The following TMEM132B variants were observed in gnomAD, a reference collection of about 807,000 sequenced individuals.
TMEM132B encodes the protein transmembrane protein 132B.
Under a neutral mutation model 90.8 loss-of-function variants are expected in TMEM132B, and 18 were observed. The observed-to-expected ratio is 0.20, with a 90% CI of 0.14 to 0.29. The LOEUF (loss-of-function observed/expected upper bound fraction) is 0.29. Ranked by LOEUF, TMEM132B falls within the 10% of genes least tolerant of loss-of-function variation. TMEM132B has a pLI of 1.00. For missense variants in TMEM132B, 1,096 were observed against 1,326.8 expected, an observed-to-expected ratio of 0.83 and a Z score of 2.70; for synonymous variants, 504 against 523.3, an observed-to-expected ratio of 0.96 and a Z score of 0.50.
intron 2 of TMEM132B, among the ~76,000 whole-genome samples, chr12:125,382,654 G>A (rs1878719923): frequency 6.6e-6 from 1 of 152,202 alleles, no homozygotes; most frequent in South Asian, 2.1e-4. Flanking sequence ...TTTAAAAAGT[G>A]TAAAAGTCTG....
At chr12:125,411,564 C>T (rs1879840188) in intron 2 of TMEM132B, among the ~76,000 whole-genome samples, 1 of 151,990 alleles carries the variant, frequency 6.6e-6, no homozygotes, top group South Asian at 2.1e-4. Flanking sequence ...CCCAGTTGGC[C>T]AAACCTCTAG....
At position 125,415,652 on chromosome 12, in the gene TMEM132B, G is replaced by A. The variant is rs1175135308; in HGVS notation, c.1081G>A (p.Gly361Ser). 1 of 1,614,012 alleles carries A rather than the reference G, an allele frequency of 6.2e-7. No individual in the cohort carries two copies. Among genetic ancestry groups the A allele is most frequent in the African/African-American group, 1.3e-5 (1 of 74,914 alleles). Residue 361 changes from glycine (G) to serine (S), a missense_variant, in exon 3 of 9, where the codon GGC (glycine) becomes AGC (serine). Coordinates refer to ENST00000682704, the MANE Select transcript of TMEM132B (RefSeq NM_001366854.1). The surrounding 1 kb of genome is among the most constrained non-coding windows in gnomAD (Gnocchi z 5.3). The stretch of plus-strand genomic sequence containing the variant: ...GACGTCGGCCACCCTCACCTGCATG[G>A]GCCATCGCCCGGACACGCAGAGCAG... ...TQTSATLTCM[G>S]HRPDTQSRVN...
intron 1 of TMEM132B, among the ~76,000 whole-genome samples, chr12:125,259,915 T>G (rs536522501): frequency 4.6e-4 from 70 of 152,152 alleles, no homozygotes; most frequent in African/African-American, 1.4e-3. Flanking sequence ...TCCAGTCAGC[T>G]CTCGGTGACC....
At chr12:125,343,447 G>A (rs1877258040) in intron 1 of TMEM132B, among the ~76,000 whole-genome samples, 1 of 152,178 alleles carries the variant, frequency 6.6e-6, no homozygotes, top group Non-Finnish European at 1.5e-5. Context: ...CTGGCCTTGT[G>A]AGCATTAAGC....
At chr12:125,563,607 A>AC (rs59664289) in intron 4 of TMEM132B, among the ~76,000 whole-genome samples, 1 of 149,814 alleles carries the variant, frequency 6.7e-6, no homozygotes, top group East Asian at 2.0e-4. Flanking sequence ...ACAAAAAAAA[A>AC]CCCCACAGTA....
At chr12:125,637,387 G>T (rs865903914) in intron 5 of TMEM132B, among the ~76,000 whole-genome samples, 2 of 152,182 alleles carry the variant, frequency 1.3e-5, no homozygotes, top group Non-Finnish European at 2.9e-5. Flanking sequence ...AGTCAACTTA[G>T]AAAGTTTATT....
intron 5 of TMEM132B, among the ~76,000 whole-genome samples, chr12:125,592,394 C>G (rs1311106932): frequency 5.3e-5 from 8 of 152,168 alleles, no homozygotes; most frequent in African/African-American, 1.7e-4. Context: ...AGTTTCTGGC[C>G]TTCCAGTATC....
intron 2 of TMEM132B, among the ~76,000 whole-genome samples, chr12:125,391,039 TAGTGTGTGTGTG>T (rs1421238845): frequency 9.7e-5 from 14 of 143,636 alleles, no homozygotes; most frequent in African/African-American, 2.5e-4. Flanking sequence ...TACTAAAGAA[TAGTGTGTGTGTG>T]TGTGTGTGTG....
chr12:125,566,021 G>A (rs1884650145), intron 4 of TMEM132B, among the ~76,000 whole-genome samples: 1 of 152,204 alleles, frequency 6.6e-6, no homozygotes, highest in African/African-American at 2.4e-5. Flanking sequence ...CAGCAGGAGT[G>A]CTGTGAGGAA....
At chr12:125,235,224 A>G (rs1873907625) in intron 1 of TMEM132B, among the ~76,000 whole-genome samples, 2 of 152,228 alleles carry the variant, frequency 1.3e-5, no homozygotes, top group South Asian at 4.1e-4. Context: ...CAGCAAATAA[A>G]GACAGAGTCC....
chr12:125,434,708 G>A (rs545775653), intron 3 of TMEM132B, among the ~76,000 whole-genome samples: 1 of 152,324 alleles, frequency 6.6e-6, no homozygotes, highest in South Asian at 2.1e-4. Flanking sequence ...GCCTAGAGGT[G>A]GTCGCGACTT....
At chr12:125,577,862 T>C (rs1453539359) in intron 4 of TMEM132B, among the ~76,000 whole-genome samples, 1 of 152,092 alleles carries the variant, frequency 6.6e-6, no homozygotes, top group East Asian at 1.9e-4. Flanking sequence ...TTTTGAAACA[T>C]TGGTTGTTTA....
At chr12:125,651,861 T>C (rs570292806) in intron 7 of TMEM132B, among the ~76,000 whole-genome samples, 1 of 152,174 alleles carries the variant, frequency 6.6e-6, no homozygotes, top group Non-Finnish European at 1.5e-5. Flanking sequence ...TTCCTTGCAC[T>C]CTGTCAGCCA....
At chr12:125,398,452 A>G (rs1298364765) in intron 2 of TMEM132B, among the ~76,000 whole-genome samples, 1 of 152,230 alleles carries the variant, frequency 6.6e-6, no homozygotes, top group East Asian at 1.9e-4. Context: ...CAATGCAGAG[A>G]AAAAGCGTAG....
chr12:125,409,221 C>T (rs1879611441), intron 2 of TMEM132B, among the ~76,000 whole-genome samples: 1 of 152,154 alleles, frequency 6.6e-6, no homozygotes, highest in Non-Finnish European at 1.5e-5. Flanking sequence ...CCTGCTGAGC[C>T]AGCCACAAGG....
chr12:125,301,737 G>C (rs1875828823), intron 1 of TMEM132B: 1 of 152,138 alleles, frequency 6.6e-6, no homozygotes, highest in African/African-American at 2.4e-5. Context: ...AAAGTAGCCG[G>C]GCGTGGTGGC....
At chr12:125,477,587 A>AT (rs921893313) in intron 3 of TMEM132B, among the ~76,000 whole-genome samples, 20 of 151,660 alleles carry the variant, frequency 1.3e-4, no homozygotes, top group African/African-American at 4.9e-4. Flanking sequence ...AGACTCTTAC[A>AT]TTTTTTTCAA....
At chr12:125,206,811 A>G (rs1264485217) in intron 1 of TMEM132B, among the ~76,000 whole-genome samples, 1 of 152,206 alleles carries the variant, frequency 6.6e-6, no homozygotes, top group East Asian at 1.9e-4. Flanking sequence ...GCAGCCAGCT[A>G]CCTTCATCAA....
chr12:125,359,760 T>C (rs1333243666), intron 2 of TMEM132B, among the ~76,000 whole-genome samples: 1 of 152,180 alleles, frequency 6.6e-6, no homozygotes, highest in Non-Finnish European at 1.5e-5. Flanking sequence ...CTGTGATGAC[T>C]TACAACTTTT....
Sources: gnomAD v4.1 joint callset for allele counts (sites outside exome capture counted in the v4.1 genomes callset) on GRCh38, gnomAD v4.1.1 for gene constraint, Gnocchi (gnomAD v3.1) non-coding constraint, MANE v1.5 for transcripts, NCBI Gene and HGNC (gene_info 2026-07-23, HGNC 2026-07-21) for gene names.